Variants in IGFL1 observed in about 807,000 individuals in gnomAD.
IGFL1 encodes insulin growth factor-like family member 1.
In IGFL1, 16 loss-of-function variants were observed where a neutral mutation model predicts 16.0. The ratio of observed to expected loss-of-function variants is 1.00; its 90% CI spans 0.68 to 1.52. The LOEUF is 1.52. Ranked by LOEUF, IGFL1 falls within the 40% of genes most tolerant of loss-of-function variation. IGFL1 has a pLI of 0.00. For synonymous variants in IGFL1, 59 were observed against 54.0 expected, an observed-to-expected ratio of 1.09 and a Z score of -0.41; for missense variants, 149 against 141.7, an observed-to-expected ratio of 1.05 and a Z score of -0.26.
In IGFL1 at chr19:46,230,932, G is replaced by A; in HGVS notation, c.*102G>A. The A allele has an allele frequency of 3.3e-6, 4 of 1,194,912 alleles. No individual in the cohort carries two copies. The highest frequency in any genetic ancestry group is 2.5e-5 in the East Asian group (1 of 39,764). 74.0% of individuals were successfully genotyped at this position (1,194,912 alleles called of 1,614,324 possible). ...GATCTGGGATGCTGAGTGGCTGTTTGGGGGCCAGAGAAACACACACTCAAC... is the reference window on the plus strand; with the variant it reads ...GATCTGGGATGCTGAGTGGCTGTTTAGGGGCCAGAGAAACACACACTCAAC... On this transcript the variant is annotated 3_prime_UTR_variant, in exon 4 of 4. Transcript: ENST00000437936.
rs775757577 is a variant in IGFL1, at chr19:46,229,785, G to A, written c.11G>A (p.Arg4Gln). The change falls in exon 1 of 4, where the codon CGA becomes CAA. Residue 4 changes from arginine (R) to glutamine (Q), a missense_variant. Coordinates refer to ENST00000437936, the MANE Select transcript of IGFL1 (RefSeq NM_198541.2). ...CAACCACCCAGAGCCATGGCTCCCCGAGGCTGCATCGTAGGTAAGGAGGAC... is the reference window on the plus strand; with the variant it reads ...CAACCACCCAGAGCCATGGCTCCCCAAGGCTGCATCGTAGGTAAGGAGGAC... The part of the protein sequence containing the change: MAP[R>Q]GCIVAVFAIF... 5.6e-6 allele frequency: 9 copies of A among 1,607,346 alleles called. No homozygotes were observed. In the African/African-American group the frequency reaches 8.0e-5, roughly 14 times the overall value.
In IGFL1 at chr19:46,229,808, G is replaced by C. The variant is rs751351100; in HGVS notation, c.25+9G>C. The C allele has an allele frequency of 1.9e-6, 3 of 1,606,024 alleles. No homozygotes were observed. The South Asian group carries it at 3.4e-5, about 18-fold the overall frequency. On this transcript the variant is annotated intron_variant, in intron 1 of 3. Coordinates refer to ENST00000437936, the MANE Select transcript of IGFL1 (RefSeq NM_198541.2). ...CCGAGGCTGCATCGTAGGTAAGGAG[G>C]ACAGGACCCCATTCCCACCTGAGCC...
At position 46,230,189 on chromosome 19, in the gene IGFL1, G is replaced by T. The variant is rs770899042; in HGVS notation, c.79+28G>T. ...GAGCCCAGGAGTGTTTGGGAAGCTG[G>T]AGGAGGGGTACACCTTCCAGGGGAC... On this transcript the variant is annotated intron_variant, in intron 2 of 3. Transcript: ENST00000437936. 1.4e-5 allele frequency: 22 copies of T among 1,613,718 alleles called. No homozygotes were observed. The South Asian group carries it at 2.4e-4, about 18-fold the overall frequency.
Position 46,229,807 on chromosome 19 carries a change from G to A in IGFL1, c.25+8G>A, listed in dbSNP as rs73051954. The A allele has an allele frequency of 3.4e-3, 5,500 of 1,606,130 alleles. 16 individuals carry two copies. Among genetic ancestry groups the A allele is most frequent in the Non-Finnish European group, 3.5e-3 (4,080 of 1,176,678 alleles). ...CCCGAGGCTGCATCGTAGGTAAGGAGGACAGGACCCCATTCCCACCTGAGC... is the reference window on the plus strand; with the variant it reads ...CCCGAGGCTGCATCGTAGGTAAGGAAGACAGGACCCCATTCCCACCTGAGC... On this transcript the variant is annotated splice_region_variant and intron_variant, in intron 1 of 3. Coordinates refer to ENST00000437936, the MANE Select transcript of IGFL1 (RefSeq NM_198541.2).
At position 46,230,956 on chromosome 19, in the gene IGFL1, A is replaced by G. The variant is rs1967237224; in HGVS notation, c.*126A>G. 4.3e-6 allele frequency: 4 copies of G among 936,246 alleles called. No individual in the cohort carries two copies. The East Asian group carries it at 1.0e-4, about 25-fold the overall frequency. 58.0% of individuals were successfully genotyped at this position (936,246 alleles called of 1,614,324 possible). ...TGGGGGCCAGAGAAACACACACTCA[A>G]CTGCCCACTTCATTCTGTGACCTGT... On this transcript the variant is annotated 3_prime_UTR_variant, in exon 4 of 4. Transcript: ENST00000437936.
rs1214113916 is a variant in IGFL1 at position 46,230,392 on chromosome 19, C to T, written c.198C>T (p.Thr66=). The part of the protein sequence containing the change: ...YDDAVVPLAR[T]QTCGNCTFRV... ...ATGCCGTCGTGCCCTTGGCCAGGAC[C>T]CAGACGTGTGGAAACTGCACCTTCA... The change falls in exon 3 of 4, where the codon ACC becomes ACT. Residue 66 remains threonine (T), a synonymous_variant. Coordinates refer to ENST00000437936, the MANE Select transcript of IGFL1 (RefSeq NM_198541.2). 1.2e-6 allele frequency: 2 copies of T among 1,614,042 alleles called. No homozygotes were observed. The highest frequency in any genetic ancestry group is 1.7e-6 in the Non-Finnish European group (2 of 1,179,902).
rs1601126056 is a variant in IGFL1 at position 46,230,861 on chromosome 19, T to G, written c.*31T>G. ...CATCAGGGGAACGATGACTCCTGGA[T>G]TCTCCTTCCTGGGTGGGCCTGGAGA... On this transcript the variant is annotated 3_prime_UTR_variant, in exon 4 of 4. Coordinates refer to ENST00000437936, the MANE Select transcript of IGFL1 (RefSeq NM_198541.2). 1 of 1,602,556 alleles carries G rather than the reference T, an allele frequency of 6.2e-7. No homozygotes were observed.
At chr19:46,230,724 C>G in intron 3 of IGFL1, 97 bp from the exon 4 acceptor site, 7 of 1,452,810 alleles carry the variant, frequency 4.8e-6, no homozygotes, top group Non-Finnish European at 6.7e-6. Flanking sequence ...TCCTCTCCTC[C>G]TGGCTCTCCT....
At position 46,230,086 on chromosome 19, in the gene IGFL1, CTTCCCT is replaced by C; in HGVS notation, c.26-10_26-5del. Reference sequence around the variant, plus strand: ...ATCTGTGGCTGTCCACTCACCCCATCTTCCCTTTCCCTTTCCCACAGCTGTCTTTGC... The same window carrying C: ...ATCTGTGGCTGTCCACTCACCCCATCTTCCCTTTCCCACAGCTGTCTTTGC... On this transcript the variant is annotated splice_polypyrimidine_tract_variant and intron_variant, in intron 1 of 3. Transcript: ENST00000437936. The C allele has an allele frequency of 6.2e-7, 1 of 1,606,084 alleles. No individual in the cohort carries two copies. The highest frequency in any genetic ancestry group is 8.5e-7 in the Non-Finnish European group (1 of 1,173,862).
chr19:46,230,597 C>A (rs968535760), intron 3 of IGFL1, 80 bp downstream of exon 3: 2 of 1,573,062 alleles, frequency 1.3e-6, no homozygotes, highest in South Asian at 1.1e-5. Context: ...CCCCCATTCT[C>A]CTTGTCTCCC....
intron 3 of IGFL1, 98 bp downstream of exon 3, chr19:46,230,615 G>T (rs1434300012): frequency 1.9e-6 from 3 of 1,538,726 alleles, no homozygotes; most frequent in African/African-American, 2.7e-5. Context: ...CCCTGTCTCT[G>T]CCCCCTGCTT....
At position 46,230,294 on chromosome 19, in the gene IGFL1, C is replaced by A. The variant is rs1967228308; in HGVS notation, c.100C>A (p.Leu34Met). 1 of 1,614,022 alleles carries A rather than the reference C, an allele frequency of 6.2e-7. No homozygotes were observed. The highest frequency in any genetic ancestry group is 2.2e-5 in the East Asian group (1 of 44,884). ...GAPVAPMTPY[L>M]MLCQPHKRCG... Reference sequence around the variant, plus strand: ...TCCAGTGGCCCCCATGACTCCTTACCTGATGCTGTGCCAGCCACACAAGAG... The same window carrying A: ...TCCAGTGGCCCCCATGACTCCTTACATGATGCTGTGCCAGCCACACAAGAG... Residue 34 changes from leucine (L) to methionine (M), a missense_variant, in exon 3 of 4, where the codon CTG (leucine) becomes ATG (methionine). Coordinates refer to ENST00000437936, the MANE Select transcript of IGFL1 (RefSeq NM_198541.2).
At chr19:46,229,896 TC>T in intron 1 of IGFL1, 97 bp downstream of exon 1, 1 of 1,414,072 alleles carries the variant, frequency 7.1e-7, no homozygotes, top group Non-Finnish European at 9.8e-7. Flanking sequence ...TCATCCCTGT[TC>T]CCATGCCCAG....
rs774840786 is a variant in IGFL1, at chr19:46,230,416, C to CAG, written c.225_226dup (p.Val76GlufsTer14). On this transcript the variant is annotated frameshift_variant, in exon 3 of 4. Transcript: ENST00000437936. LOFTEE classifies it high-confidence loss of function. ...CCCAGACGTGTGGAAACTGCACCTTCAGAGTCTGCTTTGAGCAGTGCTGCC... is the reference window on the plus strand; with the variant it reads ...CCCAGACGTGTGGAAACTGCACCTTCAGAGAGTCTGCTTTGAGCAGTGCTGCC... The CAG allele has an allele frequency of 5.0e-6, 8 of 1,614,088 alleles. No homozygotes were observed. The South Asian group carries it at 8.8e-5, about 18-fold the overall frequency.
Position 46,230,311 on chromosome 19 carries a change from A to T in IGFL1, c.117A>T (p.Pro39=). The T allele has an allele frequency of 6.2e-7, 1 of 1,613,944 alleles. No individual in the cohort carries two copies. Among genetic ancestry groups the T allele is most frequent in the South Asian group, 1.1e-5 (1 of 91,086 alleles). ...PMTPYLMLCQ[P]HKRCGDKFYD... ...CTCCTTACCTGATGCTGTGCCAGCC[A>T]CACAAGAGATGTGGGGACAAGTTCT... The change falls in exon 3 of 4, where the codon CCA becomes CCT. Residue 39 remains proline, a synonymous_variant. Coordinates refer to ENST00000437936, the MANE Select transcript of IGFL1 (RefSeq NM_198541.2).
At chr19:46,230,009 A>G (rs1601125357) in intron 1 of IGFL1, 99 bp from the exon 2 acceptor site, 7 of 1,444,004 alleles carry the variant, frequency 4.8e-6, no homozygotes, top group African/African-American at 1.4e-5. Flanking sequence ...GCTCAAAGCC[A>G]TACCGAGCCC....
Position 46,231,159 on chromosome 19 carries a change from T to C in IGFL1, c.*329T>C, listed in dbSNP as rs973486715. ...CTGGCTGGGGAACCCTTCACCCTTC[T>C]GTGAGATTTTCCATCATCTCAAGTT... On this transcript the variant is annotated 3_prime_UTR_variant, in exon 4 of 4. Coordinates refer to ENST00000437936, the MANE Select transcript of IGFL1 (RefSeq NM_198541.2). 6.7e-6 allele frequency: 3 copies of C among 448,564 alleles called. No homozygotes were observed. The highest frequency in any genetic ancestry group is 1.2e-5 in the Non-Finnish European group (3 of 244,878). 27.8% of individuals were successfully genotyped at this position (448,564 alleles called of 1,614,324 possible). A position where few individuals can be genotyped will look rare whatever the true frequency, so the allele number is the denominator to read the frequency against.
chr19:46,230,059 A>G (rs772461138), intron 1 of IGFL1, 49 bp from the exon 2 acceptor site: 18 of 1,592,448 alleles, frequency 1.1e-5, no homozygotes, highest in Non-Finnish European at 1.5e-5. Flanking sequence ...AGTGCCAGTC[A>G]TATCTGTGGC....
chr19:46,229,805 G>A lies in IGFL1; in HGVS notation c.25+6G>A, dbSNP rs201333707. ...TCCCCGAGGCTGCATCGTAGGTAAG[G>A]AGGACAGGACCCCATTCCCACCTGA... On this transcript the variant is annotated splice_donor_region_variant and intron_variant, in intron 1 of 3. Coordinates refer to ENST00000437936, the MANE Select transcript of IGFL1 (RefSeq NM_198541.2). The A allele has an allele frequency of 8.7e-6, 14 of 1,606,290 alleles. No homozygotes were observed. Among genetic ancestry groups the A allele is most frequent in the Middle Eastern group, 1.7e-4 (1 of 6,050 alleles).
Sources: gnomAD v4.1 joint callset for allele counts on GRCh38, gnomAD v4.1.1 for gene constraint, MANE v1.5 for transcripts, NCBI Gene and HGNC (gene_info 2026-07-23, HGNC 2026-07-21) for gene names.